The following ITGBL1 variants were observed in gnomAD, a reference collection of about 807,000 sequenced individuals.
ITGBL1 encodes integrin beta-like protein 1.
A neutral mutation model predicts 68.5 loss-of-function variants in ITGBL1; 51 were observed. The observed-to-expected ratio is 0.74, with a 90% CI of 0.59 to 0.94. The LOEUF is 0.94. ITGBL1 is among the 40% of genes least tolerant of loss of function. The pLI is 0.00. For synonymous variants in ITGBL1, 209 were observed against 227.3 expected (o/e 0.92, Z 0.72); for missense variants, 649 against 647.4 (o/e 1.00, Z -0.03).
intron 2 of ITGBL1, among the ~76,000 whole-genome samples, chr13:101,490,367 C>A (rs2048759272): frequency 6.6e-6 from 1 of 152,136 alleles, no homozygotes; most frequent in African/African-American, 2.4e-5. Flanking sequence ...TTTAAGCCAC[C>A]TTTTTATGGT....
At chr13:101,552,553 C>T (rs1018595645) in intron 2 of ITGBL1, among the ~76,000 whole-genome samples, 1 of 152,122 alleles carries the variant, frequency 6.6e-6, no homozygotes, top group African/African-American at 2.4e-5. Flanking sequence ...TATTGGCTTT[C>T]AAGAGAATAA....
intron 7 of ITGBL1, among the ~76,000 whole-genome samples, chr13:101,619,159 C>T (rs1374989799): frequency 1.3e-5 from 2 of 151,994 alleles, no homozygotes; most frequent in African/African-American, 2.4e-5. Context: ...GACTTATAAC[C>T]AAATGACAGC....
chr13:101,467,973 G>A (rs1394580037), intron 2 of ITGBL1, among the ~76,000 whole-genome samples: 1 of 152,110 alleles, frequency 6.6e-6, no homozygotes, highest in Non-Finnish European at 1.5e-5. Flanking sequence ...CTTAGTCAAT[G>A]GGGTAGAGTA....
chr13:101,692,920 A>G, intron 8 of ITGBL1: 1 of 443,920 alleles, frequency 2.3e-6, no homozygotes, highest in Non-Finnish European at 4.0e-6. Context: ...GCAGTACACT[A>G]TCAATAAAAG....
At chr13:101,506,761 C>T (rs1229042687) in intron 2 of ITGBL1, among the ~76,000 whole-genome samples, 1 of 152,150 alleles carries the variant, frequency 6.6e-6, no homozygotes, top group Non-Finnish European at 1.5e-5. Flanking sequence ...TTTCCTTTGA[C>T]TTGTGTGACA....
intron 2 of ITGBL1, among the ~76,000 whole-genome samples, chr13:101,503,127 A>G (rs1332399684): frequency 6.6e-6 from 1 of 152,220 alleles, no homozygotes; most frequent in Non-Finnish European, 1.5e-5. Context: ...AATATGGGGT[A>G]ATCAATTTTA....
intron 7 of ITGBL1, among the ~76,000 whole-genome samples, chr13:101,664,943 A>G (rs1468199492): frequency 1.3e-5 from 2 of 152,232 alleles, no homozygotes; most frequent in Non-Finnish European, 2.9e-5. Flanking sequence ...CATATTGGTC[A>G]GGCTGATTTT....
At chr13:101,618,378 T>C (rs1455724674) in intron 7 of ITGBL1, among the ~76,000 whole-genome samples, 3 of 152,234 alleles carry the variant, frequency 2.0e-5, no homozygotes, top group Non-Finnish European at 4.4e-5. Flanking sequence ...GAAAGAATTC[T>C]AGCTTCCTTT....
At chr13:101,510,386 A>G (rs538893004) in intron 2 of ITGBL1, among the ~76,000 whole-genome samples, 1 of 152,260 alleles carries the variant, frequency 6.6e-6, no homozygotes, top group Non-Finnish European at 1.5e-5. Flanking sequence ...TATATGTACC[A>G]TATTTTCTTG....
At chr13:101,676,356 A>C (rs375310914) in intron 7 of ITGBL1, among the ~76,000 whole-genome samples, 1 of 152,142 alleles carries the variant, frequency 6.6e-6, no homozygotes, top group South Asian at 2.1e-4. Context: ...ATAGATATAG[A>C]TATATATCCA....
At chr13:101,584,482 C>G (rs1220654584) in intron 6 of ITGBL1, among the ~76,000 whole-genome samples, 1 of 152,130 alleles carries the variant, frequency 6.6e-6, no homozygotes, top group Non-Finnish European at 1.5e-5. Context: ...CTCCTCTGGT[C>G]TCCTGAAAGT....
At chr13:101,598,364 A>G (rs904482710) in intron 7 of ITGBL1, 65 bp downstream of exon 7, 2 of 1,228,474 alleles carry the variant, frequency 1.6e-6, no homozygotes, top group African/African-American at 1.6e-5. Flanking sequence ...TTCAATGCAC[A>G]CACATCTTTT....
chr13:101,479,335 G>T (rs112188830), intron 2 of ITGBL1, among the ~76,000 whole-genome samples: 8,217 of 151,994 alleles, frequency 0.054, 279 homozygotes, highest in South Asian at 0.13. Flanking sequence ...TTAAATCTAA[G>T]ACCTCAAACT....
At chr13:101,577,419 T>C (rs1365232499) in intron 4 of ITGBL1, among the ~76,000 whole-genome samples, 2 of 152,216 alleles carry the variant, frequency 1.3e-5, no homozygotes, top group African/African-American at 4.8e-5. Flanking sequence ...ATATTTTTAT[T>C]TGAGTTATGT....
At chr13:101,460,855 T>G (rs1359202098) in intron 2 of ITGBL1, among the ~76,000 whole-genome samples, 5 of 152,176 alleles carry the variant, frequency 3.3e-5, no homozygotes, top group African/African-American at 1.2e-4. Flanking sequence ...GAGAACTCAC[T>G]CATGACCTTG....
intron 2 of ITGBL1, among the ~76,000 whole-genome samples, chr13:101,468,596 G>T (rs1179273393): frequency 6.6e-6 from 1 of 152,122 alleles, no homozygotes; most frequent in East Asian, 1.9e-4. Context: ...ATTTCTTCAT[G>T]AATTTTGGAG....
At position 101,600,850 on chromosome 13, in the gene ITGBL1, T is replaced by C. The variant is rs549910875; in HGVS notation, c.1015+2551T>C. On this transcript the variant is annotated intron_variant, in intron 7 of 10. Transcript: ENST00000376180. ...CTGGTTTCGGTTTGCCAGTATTTGA[T>C]TGAGGATTTTTGCATTGATGTTCAT... Among the ~76,000 whole-genome samples the C allele has an allele frequency of 3.2e-3, 483 of 152,338 alleles. 2 individuals are homozygous for C. Among genetic ancestry groups the C allele is most frequent in the African/African-American group, 0.011 (462 of 41,588 alleles).
At chr13:101,458,424 A>G (rs1322914388) in intron 2 of ITGBL1, among the ~76,000 whole-genome samples, 8 of 152,216 alleles carry the variant, frequency 5.3e-5, no homozygotes, top group Admixed American at 5.2e-4. Flanking sequence ...TAGAGCTGTA[A>G]GGAAAGTAAT....
chr13:101,495,387 G>GACAC (rs2048841976), intron 2 of ITGBL1, among the ~76,000 whole-genome samples: 1 of 152,256 alleles, frequency 6.6e-6, no homozygotes, highest in East Asian at 1.9e-4. Flanking sequence ...TCCACAGACA[G>GACAC]ACACACGGTC....
Sources: gnomAD v4.1 joint callset for allele counts (sites outside exome capture counted in the v4.1 genomes callset) on GRCh38, gnomAD v4.1.1 for gene constraint, MANE v1.5 for transcripts, NCBI Gene and HGNC (gene_info 2026-07-23, HGNC 2026-07-21) for gene names.